PPP1R11: variants seen among roughly 807,000 people sequenced by gnomAD.
PPP1R11 encodes E3 ubiquitin-protein ligase PPP1R11.
A neutral mutation model predicts 11.3 loss-of-function variants in PPP1R11; 10 were observed. The ratio of observed to expected loss-of-function variants is 0.88; its 90% CI spans 0.55 to 1.50. PPP1R11 has a LOEUF of 1.50. PPP1R11 is among the 40% of genes most tolerant of loss of function. The pLI is 0.00. For synonymous variants in PPP1R11, 56 were observed against 62.3 expected (o/e 0.90, Z 0.48); for missense variants, 114 against 179.1 (o/e 0.64, Z 2.07).
At chr6:30,068,837 A>G (rs1765723346) in intron 2 of PPP1R11, 139 bp downstream of exon 2, 4 of 816,974 alleles carry the variant, frequency 4.9e-6, no homozygotes, top group Non-Finnish European at 7.6e-6. Context: ...CTGTGGTATC[A>G]GGGAAAGAGG....
chr6:30,069,814 C>T lies in PPP1R11; in HGVS notation c.*508C>T, dbSNP rs1359311713. On this transcript the variant is annotated 3_prime_UTR_variant, in exon 3 of 3. Coordinates refer to ENST00000376772, the MANE Select transcript of PPP1R11 (RefSeq NM_021959.3). The surrounding 1 kb of genome is among the most constrained non-coding windows in gnomAD (Gnocchi z 6.6). ...TGAGGTCTTACAGGAGACCTCAGAG[C>T]TCCCAGCCCTTCTCCTCCTGCTAAC... 1 of 154,614 alleles carries T rather than the reference C, an allele frequency of 6.5e-6. No individual in the cohort carries two copies. The highest frequency in any genetic ancestry group is 1.4e-5 in the Non-Finnish European group (1 of 69,632). 9.6% of individuals were successfully genotyped at this position (154,614 alleles called of 1,614,324 possible).
chr6:30,069,364 T>A lies in PPP1R11; in HGVS notation c.*58T>A. ...CTGGCCCTAAATGTATCCATGTGGC[T>A]ACTTCTCCAGCCCCCTCCTTCCCTC... is the stretch of plus-strand genomic sequence containing the variant. On this transcript the variant is annotated 3_prime_UTR_variant, in exon 3 of 3. Transcript: ENST00000376772. This position sits in a 1 kb window ranked among gnomAD's most constrained non-coding sequence, Gnocchi z 6.6. 7.5e-7 allele frequency: 1 copy of A among 1,332,770 alleles called. No individual in the cohort carries two copies. The highest frequency in any genetic ancestry group is 1.0e-6 in the Non-Finnish European group (1 of 972,014). The allele number at this position is 1,332,770 out of a possible 1,614,324, so 82.6% of individuals were successfully genotyped here. A position where few individuals can be genotyped will look rare whatever the true frequency, so the allele number is the denominator to read the frequency against.
upstream of PPP1R11, chr6:30,066,639 C>T (rs980280320): frequency 6.6e-6 from 1 of 152,264 alleles, no homozygotes; most frequent in East Asian, 1.9e-4. Flanking sequence ...GCGCCTCCAT[C>T]TTCAAGGCGT....
upstream of PPP1R11, chr6:30,062,222 A>T (rs776774508): frequency 6.2e-7 from 1 of 1,611,862 alleles, no homozygotes. Context: ...GTTTCTTCCC[A>T]GGTTGACAGG....
At chr6:30,063,385 A>G (rs536621193), upstream of PPP1R11, among the ~76,000 whole-genome samples, 44 of 151,772 alleles carry the variant, frequency 2.9e-4, no homozygotes, top group African/African-American at 8.9e-4. This position sits in a 1 kb window ranked among gnomAD's most constrained non-coding sequence, Gnocchi z 4.1. Context: ...TTCTGTCTTC[A>G]GTTTATTTCA....
rs910660063 is a variant in PPP1R11, at chr6:30,069,426, G to A, written c.*120G>A. The A allele has an allele frequency of 8.5e-6, 7 of 824,482 alleles. No homozygotes were observed. The highest frequency in any genetic ancestry group is 3.5e-5 in the African/African-American group (2 of 57,618). 51.1% of individuals were successfully genotyped at this position (824,482 alleles called of 1,614,324 possible). A position where few individuals can be genotyped will look rare whatever the true frequency, so the allele number is the denominator to read the frequency against. ...ATAGAGGGAAGAGGAAGAGGAGGAC[G>A]AACAGAGATCCTGAAATTCTGACTT... On this transcript the variant is annotated 3_prime_UTR_variant, in exon 3 of 3. Transcript: ENST00000376772. The surrounding 1 kb of genome is among the most constrained non-coding windows in gnomAD (Gnocchi z 6.6).
upstream of PPP1R11, among the ~76,000 whole-genome samples, chr6:30,062,599 G>A (rs946427683): frequency 7.9e-6 from 1 of 126,072 alleles, no homozygotes; most frequent in African/African-American, 3.0e-5. Flanking sequence ...CACCTAGCCT[G>A]GAGTGCAGCG....
At chr6:30,062,901 G>GAA (rs28383815), upstream of PPP1R11, among the ~76,000 whole-genome samples, 46 of 143,406 alleles carry the variant, frequency 3.2e-4, no homozygotes, top group Admixed American at 2.1e-3. Context: ...AGGAAATGAA[G>GAA]AAAAAAAAAA....
At chr6:30,067,154 C>T (rs986744568), upstream of PPP1R11, 2 of 444,806 alleles carry the variant, frequency 4.5e-6, no homozygotes, top group Admixed American at 7.8e-5. Context: ...TGCGCTTTGA[C>T]GCATTTGGTG....
chr6:30,067,195 T>C, upstream of PPP1R11: 4 of 525,352 alleles, frequency 7.6e-6, no homozygotes, highest in Non-Finnish European at 1.0e-5. Context: ...GACTGCAGTA[T>C]GCGTCACACC....
chr6:30,067,033 C>A (rs1478424633), upstream of PPP1R11: 1 of 240,346 alleles, frequency 4.2e-6, no homozygotes, highest in Admixed American at 5.3e-5. Flanking sequence ...CTGCCCCAGA[C>A]TCTCCCTCCT....
At chr6:30,064,922 T>A, upstream of PPP1R11, 1 of 404,928 alleles carries the variant, frequency 2.5e-6, no homozygotes, top group Non-Finnish European at 4.4e-6. Flanking sequence ...TGTATGTTAC[T>A]TATAATCTGT....
In PPP1R11 at chr6:30,069,435, T is replaced by A. The variant is rs1467288753; in HGVS notation, c.*129T>A. On this transcript the variant is annotated 3_prime_UTR_variant, in exon 3 of 3. Coordinates refer to ENST00000376772, the MANE Select transcript of PPP1R11 (RefSeq NM_021959.3). The surrounding 1 kb of genome is among the most constrained non-coding windows in gnomAD (Gnocchi z 6.6). ...AGAGGAAGAGGAGGACGAACAGAGA[T>A]CCTGAAATTCTGACTTGCTGCTATT... The A allele has an allele frequency of 6.4e-6, 5 of 783,462 alleles. No homozygotes were observed. The highest frequency in any genetic ancestry group is 9.6e-6 in the Non-Finnish European group (5 of 518,634). 48.5% of individuals were successfully genotyped at this position (783,462 alleles called of 1,614,324 possible).
the PPP1R11 span, chr6:30,061,522 C>A: frequency 1.2e-6 from 2 of 1,612,870 alleles, no homozygotes; most frequent in South Asian, 1.1e-5. The surrounding 1 kb of genome is among the most constrained non-coding windows in gnomAD (Gnocchi z 5.0). Flanking sequence ...CAGACCCGAC[C>A]GCATGTCTGT....
rs1765704468 is a variant in PPP1R11 at position 30,068,612 on chromosome 6, A to G, written c.92A>G (p.Lys31Arg). 2 of 1,612,882 alleles carry G rather than the reference A, an allele frequency of 1.2e-6. No homozygotes were observed. Among genetic ancestry groups the G allele is most frequent in the Non-Finnish European group, 1.7e-6 (2 of 1,179,998 alleles). Reference protein sequence around the residue: ...TEPENRSLTIKLRKRKPEKKV... With the variant: ...TEPENRSLTIRLRKRKPEKKV... ...TAGGAGAACCGGAGCCTTACCATCA[A>G]ACTTCGGAAACGGAAGCCAGAGAAA... The change falls in exon 2 of 3, where the codon AAA becomes AGA. Residue 31 changes from lysine (K) to arginine (R), a missense_variant. Lys to Arg is a conservative substitution (Grantham distance 26). Transcript: ENST00000376772.
the PPP1R11 span, chr6:30,061,593 C>T: frequency 5.0e-6 from 8 of 1,613,068 alleles, no homozygotes; most frequent in Admixed American, 1.2e-4. The surrounding 1 kb of genome is among the most constrained non-coding windows in gnomAD (Gnocchi z 5.0). Context: ...GTTCAGATTG[C>T]GGCTCGGTCC....
chr6:30,067,476 G>A lies in PPP1R11; in HGVS notation c.66G>A (p.Glu22=). The change falls in exon 1 of 3, where the codon GAG becomes GAA. Residue 22 remains glutamate (E), a synonymous_variant. Transcript: ENST00000376772. ...VTETTVTVTT[E]PENRSLTIKL... ...AGACAACGGTTACCGTGACAACCGA[G>A]CCCGTGAGAAAGGCGGGGGGGCGGT... 6.2e-7 allele frequency: 1 copy of A among 1,614,064 alleles called. No homozygotes were observed. The highest frequency in any genetic ancestry group is 8.5e-7 in the Non-Finnish European group (1 of 1,179,918).
At chr6:30,064,838 T>C, upstream of PPP1R11, 1 of 649,814 alleles carries the variant, frequency 1.5e-6, no homozygotes, top group Admixed American at 3.2e-5. Context: ...GGGATTACCA[T>C]TGTTCCTGGA....
chr6:30,067,261 C>G lies in PPP1R11; in HGVS notation c.-150C>G, dbSNP rs1241164062. On this transcript the variant is annotated 5_prime_UTR_variant, in exon 1 of 3. Transcript: ENST00000376772. ...CAGGTTATCCCCAGGGGTGGAGAAG[C>G]GGAGGCCCAGGAGGAGGGGGAATAA... 2 of 780,100 alleles carry G rather than the reference C, an allele frequency of 2.6e-6. No individual in the cohort carries two copies. Among genetic ancestry groups the G allele is most frequent in the Admixed American group, 2.7e-5 (1 of 36,918 alleles). The allele number at this position is 780,100 out of a possible 1,614,324, so 48.3% of individuals were successfully genotyped here. A position where few individuals can be genotyped will look rare whatever the true frequency, so the allele number is the denominator to read the frequency against.
Sources: allele counts gnomAD v4.1 joint callset (sites outside exome capture counted in the v4.1 genomes callset), GRCh38; gene constraint gnomAD v4.1.1; non-coding constraint Gnocchi (gnomAD v3.1); transcripts MANE v1.5; gene names NCBI Gene and HGNC (gene_info 2026-07-23, HGNC 2026-07-21).